ATP10D: variants seen among roughly 807,000 people sequenced by gnomAD.
The protein encoded by ATP10D is ATPase phospholipid transporting 10D (putative), also known as phospholipid-transporting ATPase VD.
In ATP10D, 89 loss-of-function variants were observed where a neutral mutation model predicts 144.8. That is an observed-to-expected ratio of 0.61 (90% CI 0.52 to 0.73). The LOEUF (loss-of-function observed/expected upper bound fraction) is 0.73. ATP10D is among the 30% of genes least tolerant of loss of function. The pLI, the probability that ATP10D is intolerant of heterozygous loss-of-function variation, is 0.00. For synonymous variants in ATP10D, 571 were observed against 615.1 expected, an observed-to-expected ratio of 0.93 and a Z score of 1.06; for missense variants, 1,603 against 1,714.8, an observed-to-expected ratio of 0.93 and a Z score of 1.15.
chr4:47,562,825 G>C (rs1196172594), intron 14 of ATP10D, among the ~76,000 whole-genome samples: 1 of 150,236 alleles, frequency 6.7e-6, no homozygotes, highest in Non-Finnish European at 1.5e-5. Context: ...TAAAGAAAAT[G>C]TGATATAATA....
At chr4:47,521,210 A>C (rs1716929909) in intron 3 of ATP10D, among the ~76,000 whole-genome samples, 1 of 152,178 alleles carries the variant, frequency 6.6e-6, no homozygotes, top group Non-Finnish European at 1.5e-5. Context: ...TGATCTCCAG[A>C]TCAGGACCCT....
intron 22 of ATP10D, 63 bp from the exon 23 acceptor site, chr4:47,590,976 TGGG>T: frequency 1.4e-5 from 13 of 953,970 alleles, no homozygotes; most frequent in East Asian, 3.1e-5. Context: ...CGTTAGTATT[TGGG>T]GGGGGGGGTT....
chr4:47,542,107 A>AT (rs889582839), intron 9 of ATP10D, among the ~76,000 whole-genome samples: 4 of 151,528 alleles, frequency 2.6e-5, no homozygotes, highest in Non-Finnish European at 4.4e-5. Flanking sequence ...CATACAATAT[A>AT]TTTTTTTAAC....
intron 2 of ATP10D, among the ~76,000 whole-genome samples, chr4:47,513,893 C>A (rs1383454872): frequency 6.6e-6 from 1 of 152,076 alleles, no homozygotes; most frequent in African/African-American, 2.4e-5. Context: ...TTGTATATAT[C>A]CCAGTGAATT....
At chr4:47,522,910 A>T in intron 3 of ATP10D, 102 bp from the exon 4 acceptor site, 2 of 963,042 alleles carry the variant, frequency 2.1e-6, no homozygotes, top group South Asian at 3.4e-5. Flanking sequence ...CTAATACTTA[A>T]TATATACTTT....
intron 5 of ATP10D, 98 bp from the exon 6 acceptor site, chr4:47,535,411 T>C: frequency 5.5e-6 from 5 of 917,086 alleles, no homozygotes; most frequent in Non-Finnish European, 7.9e-6. Flanking sequence ...GAAATGCCTT[T>C]TTACTCCAAG....
intron 9 of ATP10D, among the ~76,000 whole-genome samples, chr4:47,543,041 C>T (rs1718235492): frequency 1.3e-5 from 2 of 152,036 alleles, no homozygotes; most frequent in Admixed American, 1.3e-4. Context: ...TTTTACTTTC[C>T]ACAGTTTCAA....
At chr4:47,499,009 T>C (rs1465708671) in intron 1 of ATP10D, among the ~76,000 whole-genome samples, 1 of 152,242 alleles carries the variant, frequency 6.6e-6, no homozygotes, top group Non-Finnish European at 1.5e-5. Flanking sequence ...CTCTGGTTTT[T>C]AAATGAGCAC....
At chr4:47,578,145 A>G (rs1174635453) in intron 19 of ATP10D, among the ~76,000 whole-genome samples, 2 of 152,162 alleles carry the variant, frequency 1.3e-5, no homozygotes, top group Non-Finnish European at 2.9e-5. Flanking sequence ...CAGCAGGCAG[A>G]TTTTCCCAGC....
chr4:47,486,024 CTAAGGTTGATTCCT>C (rs1392678232), intron 1 of ATP10D, among the ~76,000 whole-genome samples: 14 of 152,136 alleles, frequency 9.2e-5, no homozygotes, highest in Admixed American at 2.0e-4. Context: ...GGTTGATTCC[CTAAGGTTGATTCCT>C]TAGGAAGAAA....
intron 9 of ATP10D, among the ~76,000 whole-genome samples, chr4:47,538,845 G>A (rs917927467): frequency 6.6e-6 from 1 of 152,204 alleles, no homozygotes; most frequent in African/African-American, 2.4e-5. Context: ...GCCAGCAACA[G>A]AATTTCTCAT....
At chr4:47,535,648 C>G (rs1442858163) in intron 6 of ATP10D, 33 bp downstream of exon 6, 2 of 1,558,336 alleles carry the variant, frequency 1.3e-6, no homozygotes, top group South Asian at 1.2e-5. Flanking sequence ...ATTGTCTACT[C>G]TGTGCTTTTC....
intron 21 of ATP10D, chr4:47,583,171 C>T (rs112894632): frequency 2.0e-4 from 30 of 152,274 alleles, no homozygotes; most frequent in African/African-American, 6.5e-4. Context: ...TTATCTTATT[C>T]ATGTTTATCT....
intron 22 of ATP10D, among the ~76,000 whole-genome samples, chr4:47,590,670 G>C (rs1720985704): frequency 1.3e-5 from 2 of 152,014 alleles, no homozygotes; most frequent in African/African-American, 4.8e-5. Context: ...TAGGAAACTG[G>C]TACAAATAGC....
At chr4:47,543,943 A>AT (rs1280143405) in intron 9 of ATP10D, among the ~76,000 whole-genome samples, 5 of 152,128 alleles carry the variant, frequency 3.3e-5, no homozygotes, top group African/African-American at 1.2e-4. Flanking sequence ...TTTCATTGAC[A>AT]TGTCTATTGA....
intron 3 of ATP10D, among the ~76,000 whole-genome samples, chr4:47,520,491 C>A (rs1716886436): frequency 1.3e-5 from 2 of 152,168 alleles, no homozygotes; most frequent in Non-Finnish European, 2.9e-5. Context: ...CCTTCCCTGG[C>A]AGTGGCTACC....
chr4:47,551,011 G>A (rs536512208), intron 10 of ATP10D, among the ~76,000 whole-genome samples: 4 of 152,368 alleles, frequency 2.6e-5, no homozygotes, highest in African/African-American at 7.2e-5. Context: ...CAATGCCTGG[G>A]TTTATATCCC....
At chr4:47,493,713 A>G (rs1010362177) in intron 1 of ATP10D, among the ~76,000 whole-genome samples, 1 of 152,212 alleles carries the variant, frequency 6.6e-6, no homozygotes, top group Non-Finnish European at 1.5e-5. Flanking sequence ...CCCCATCAGT[A>G]TCACTTGAGC....
chr4:47,512,664 C>T lies in ATP10D; in HGVS notation c.124C>T (p.Gln42Ter). Reference sequence around the variant, plus strand: ...GCTCGCCTGTGGGCGCAAGTCCTCTCAGACCCCTAAACTGTCAGGAAGGCA... The same window carrying T: ...GCTCGCCTGTGGGCGCAAGTCCTCTTAGACCCCTAAACTGTCAGGAAGGCA... ...SLLACGRKSS[Q>*]TPKLSGRHRI... Residue 42 changes from glutamine to a stop codon, truncating the protein, a stop_gained, in exon 2 of 23, where the codon CAG becomes TAG. Transcript: ENST00000273859. LOFTEE classifies it high-confidence loss of function. The T allele has an allele frequency of 1.2e-6, 2 of 1,614,178 alleles. No homozygotes were observed. Among genetic ancestry groups the T allele is most frequent in the Non-Finnish European group, 1.7e-6 (2 of 1,180,038 alleles).
Sources: allele counts gnomAD v4.1 joint callset (sites outside exome capture counted in the v4.1 genomes callset), GRCh38; gene constraint gnomAD v4.1.1; transcripts MANE v1.5; gene names NCBI Gene and HGNC (gene_info 2026-07-23, HGNC 2026-07-21).